Variants in PGM5 observed in about 807,000 individuals in gnomAD.
The protein encoded by PGM5 is phosphoglucomutase-like protein 5.
PGM5 carries 23 observed loss-of-function variants against 59.2 expected under a neutral mutation model. The observed-to-expected ratio is 0.39, with a 90% CI of 0.28 to 0.55. PGM5 has a LOEUF of 0.55. Ranked by LOEUF, PGM5 falls within the 20% of genes least tolerant of loss-of-function variation. The probability of loss-of-function intolerance (pLI) is 0.66; values close to 1 mark genes in which losing one functional copy is unlikely to be tolerated. For missense variants in PGM5, 574 were observed against 748.3 expected (o/e 0.77, Z 2.72); for synonymous variants, 214 against 286.0 (o/e 0.75, Z 2.54).
intron 10 of PGM5, among the ~76,000 whole-genome samples, chr9:68,509,593 G>A (rs1554689228): frequency 1.3e-5 from 2 of 152,180 alleles, no homozygotes. Context: ...GACCCAACAC[G>A]CCACACAGGG....
intron 6 of PGM5, among the ~76,000 whole-genome samples, chr9:68,409,951 T>C (rs1246042949): frequency 6.6e-6 from 1 of 151,756 alleles, no homozygotes; most frequent in Non-Finnish European, 1.5e-5. Flanking sequence ...CCATTGATTC[T>C]CATCACTTCT....
chr9:68,497,419 C>G (rs1279606896), intron 9 of PGM5: 1 of 152,136 alleles, frequency 6.6e-6, no homozygotes, highest in Non-Finnish European at 1.5e-5. Flanking sequence ...AGATAGCTCC[C>G]TTTGGTTACA....
chr9:68,479,803 G>A (rs531260398), intron 8 of PGM5, among the ~76,000 whole-genome samples: 6 of 151,520 alleles, frequency 4.0e-5, no homozygotes, highest in Admixed American at 2.6e-4. Context: ...GCGTAGTGGC[G>A]GGCGCCTGTA....
At position 68,375,350 on chromosome 9, in the gene PGM5, C is replaced by T. The variant is rs1287305211; in HGVS notation, c.262-2849C>T. On this transcript the variant is annotated intron_variant, in intron 1 of 10. Coordinates refer to ENST00000396396, the MANE Select transcript of PGM5 (RefSeq NM_021965.4). ...ATTTTGGAGGCTATTTACCACAGCC[C>T]CTCTCTTCAATATTCCAGTCCACCT... 2.6e-5 allele frequency among the ~76,000 whole-genome samples: 4 copies of T among 152,176 alleles called. No individual in the cohort carries two copies. The East Asian group carries it at 7.7e-4, about 29-fold the overall frequency.
intron 1 of PGM5, among the ~76,000 whole-genome samples, chr9:68,376,839 C>CTTTCTTTCTTTCT (rs1563984905): frequency 3.0e-5 from 4 of 131,950 alleles, no homozygotes; most frequent in African/African-American, 1.2e-4. Context: ...CTTTCTCTTT[C>CTTTCTTTCTTTCT]TTTCTTTCTT....
At position 68,456,366 on chromosome 9, in the gene PGM5, A is replaced by G. The variant is rs1172265127; in HGVS notation, c.1044-8727A>G. ...CGCTGTGTCACCCAGGCTGAAGTGC[A>G]GTGGCGAGATCTTGGCTCACTGCAA... On this transcript the variant is annotated intron_variant, in intron 6 of 10. Transcript: ENST00000396396. Among the ~76,000 whole-genome samples the G allele has an allele frequency of 4.0e-5, 6 of 151,628 alleles. No homozygotes were observed. In the East Asian group the frequency reaches 1.2e-3, roughly 29 times the overall value.
intron 6 of PGM5, among the ~76,000 whole-genome samples, chr9:68,392,868 G>A (rs1415197528): frequency 1.8e-4 from 28 of 152,130 alleles, no homozygotes; most frequent in Admixed American, 8.5e-4. Context: ...CTGAAAGTGT[G>A]TATGTATAAG....
intron 6 of PGM5, among the ~76,000 whole-genome samples, chr9:68,434,922 G>A (rs977839018): frequency 1.3e-5 from 2 of 152,162 alleles, no homozygotes; most frequent in African/African-American, 4.8e-5. Flanking sequence ...AAATAAATTG[G>A]AATTAATTAA....
intron 6 of PGM5, among the ~76,000 whole-genome samples, chr9:68,425,255 C>G (rs1554682617): frequency 6.6e-6 from 1 of 152,136 alleles, no homozygotes; most frequent in Admixed American, 6.5e-5. Flanking sequence ...AGGCAACTCA[C>G]TTGATGACAT....
At chr9:68,418,495 ACT>A in intron 6 of PGM5, among the ~76,000 whole-genome samples, 1 of 151,982 alleles carries the variant, frequency 6.6e-6, no homozygotes, top group East Asian at 1.9e-4. Context: ...TGGAAATCAG[ACT>A]CTGTTACTGA....
At chr9:68,500,671 AC>A (rs1824558463) in intron 10 of PGM5, among the ~76,000 whole-genome samples, 1 of 152,184 alleles carries the variant, frequency 6.6e-6, no homozygotes, top group Non-Finnish European at 1.5e-5. Context: ...CAAATAAAAC[AC>A]TATTCTACAT....
At chr9:68,484,172 G>A in intron 9 of PGM5, 124 bp downstream of exon 9, 1 of 804,658 alleles carries the variant, frequency 1.2e-6, no homozygotes, top group Non-Finnish European at 2.0e-6. Flanking sequence ...GAACTGTGCA[G>A]CCAGGAAAGA....
chr9:68,523,864 G>T (rs906051757), intron 10 of PGM5, among the ~76,000 whole-genome samples: 8 of 152,096 alleles, frequency 5.3e-5, no homozygotes, highest in African/African-American at 1.7e-4. Flanking sequence ...TTATGATTCT[G>T]GTTAGGGTAT....
chr9:68,439,495 G>C (rs1451782947), intron 6 of PGM5, among the ~76,000 whole-genome samples: 5 of 144,648 alleles, frequency 3.5e-5, no homozygotes, highest in Non-Finnish European at 7.5e-5. Flanking sequence ...TACTCTCCAT[G>C]TCTGCCCATA....
chr9:68,485,173 G>T (rs576950146), intron 9 of PGM5, among the ~76,000 whole-genome samples: 1 of 152,216 alleles, frequency 6.6e-6, no homozygotes, highest in South Asian at 2.1e-4. Context: ...CTCAGTGCTT[G>T]GATACCTTTT....
At chr9:68,403,038 G>A (rs1332702531) in intron 6 of PGM5, among the ~76,000 whole-genome samples, 1 of 152,198 alleles carries the variant, frequency 6.6e-6, no homozygotes, top group Non-Finnish European at 1.5e-5. Flanking sequence ...TGAAAGTTTT[G>A]TGTGCTCAGG....
At chr9:68,374,184 G>A (rs1587774414) in intron 1 of PGM5, among the ~76,000 whole-genome samples, 1 of 152,316 alleles carries the variant, frequency 6.6e-6, no homozygotes, top group East Asian at 1.9e-4. Flanking sequence ...TTAAATGGCT[G>A]AGAGAAAATT....
chr9:68,468,359 A>G (rs1379465906), intron 7 of PGM5, among the ~76,000 whole-genome samples: 2 of 152,238 alleles, frequency 1.3e-5, no homozygotes, highest in African/African-American at 4.8e-5. Flanking sequence ...TAGTTAGTCA[A>G]ATAAATCTAG....
intron 9 of PGM5, among the ~76,000 whole-genome samples, chr9:68,495,621 T>G (rs535552282): frequency 1.3e-5 from 2 of 152,282 alleles, no homozygotes; most frequent in East Asian, 3.9e-4. Context: ...AACATAAAAC[T>G]AAAGTGCAAT....
Sources: gnomAD v4.1 joint callset for allele counts (sites outside exome capture counted in the v4.1 genomes callset) on GRCh38, gnomAD v4.1.1 for gene constraint, MANE v1.5 for transcripts, NCBI Gene and HGNC (gene_info 2026-07-23, HGNC 2026-07-21) for gene names.